Variants in GRIK2 observed in about 807,000 individuals in gnomAD.
The protein encoded by GRIK2 is glutamate ionotropic receptor kainate type subunit 2, also known as glutamate receptor ionotropic, kainate 2.
GRIK2 carries 32 observed loss-of-function variants against 100.3 expected under a neutral mutation model. The observed-to-expected ratio is 0.32, with a 90% CI of 0.24 to 0.43. The LOEUF (loss-of-function observed/expected upper bound fraction) is 0.43. Ranked by LOEUF, GRIK2 falls within the 20% of genes least tolerant of loss-of-function variation. GRIK2 has a pLI of 1.00. For synonymous variants in GRIK2, 417 were observed against 389.4 expected (o/e 1.07, Z -0.83); for missense variants, 843 against 1,114.9 (o/e 0.76, Z 3.47).
At chr6:102,041,295 C>T (rs1036546618) in intron 15 of GRIK2, among the ~76,000 whole-genome samples, 2 of 151,564 alleles carry the variant, frequency 1.3e-5, no homozygotes, top group African/African-American at 2.4e-5. Flanking sequence ...AGATTTTATA[C>T]ACAAAGATTG....
chr6:101,962,622 A>T lies in GRIK2; in HGVS notation c.2085+33990A>T, dbSNP rs1215877488. On this transcript the variant is annotated intron_variant, in intron 14 of 16. Coordinates refer to ENST00000369134, the MANE Select transcript of GRIK2 (RefSeq NM_021956.5). ...TTTGTCTTATCCATTATTGAAAGTG[A>T]GCTACTGAAGTCCTCAACTCTTTTT... is the stretch of plus-strand genomic sequence containing the variant. Among the ~76,000 whole-genome samples, 3 of 152,140 alleles carry T rather than the reference A, an allele frequency of 2.0e-5. No homozygotes were observed. The South Asian group carries it at 6.2e-4, about 31-fold the overall frequency.
In GRIK2 at chr6:102,069,049, A is replaced by AAAAT. The variant is rs1239054990; in HGVS notation, c.*539_*542dup. ...AAAGTATGTGTTTATAGGATGTGAA[A>AAAAT]AAATGTAATGCAAAACAAATTTGAA... On this transcript the variant is annotated 3_prime_UTR_variant, in exon 17 of 17. Transcript: ENST00000369134. 1 of 151,870 alleles carries AAAAT rather than the reference A, an allele frequency of 6.6e-6. No individual in the cohort carries two copies. The highest frequency in any genetic ancestry group is 2.4e-5 in the African/African-American group (1 of 41,410). 9.4% of individuals were successfully genotyped at this position (151,870 alleles called of 1,614,324 possible). A position where few individuals can be genotyped will look rare whatever the true frequency, so the allele number is the denominator to read the frequency against.
At chr6:102,034,863 G>A (rs538144229) in intron 14 of GRIK2, among the ~76,000 whole-genome samples, 2 of 151,274 alleles carry the variant, frequency 1.3e-5, no homozygotes, top group Non-Finnish European at 3.0e-5. Flanking sequence ...GGTTAATGTA[G>A]CATCTGTGTT....
chr6:101,719,986 G>T (rs1774362142), intron 7 of GRIK2, among the ~76,000 whole-genome samples: 1 of 151,782 alleles, frequency 6.6e-6, no homozygotes, highest in South Asian at 2.1e-4. Flanking sequence ...AAAACACCAA[G>T]TATTGCATTA....
intron 12 of GRIK2, among the ~76,000 whole-genome samples, chr6:101,907,124 A>G (rs1356828768): frequency 6.6e-6 from 1 of 151,708 alleles, no homozygotes; most frequent in African/African-American, 2.4e-5. Flanking sequence ...CAACTGTACA[A>G]CATGTTAAGG....
chr6:101,547,779 TA>T (rs1264446351), intron 2 of GRIK2, among the ~76,000 whole-genome samples: 1 of 151,822 alleles, frequency 6.6e-6, no homozygotes, highest in Non-Finnish European at 1.5e-5. Flanking sequence ...GCAATAAACA[TA>T]CATGTGCATG....
At chr6:101,833,724 T>C (rs1179370454) in intron 10 of GRIK2, among the ~76,000 whole-genome samples, 2 of 152,132 alleles carry the variant, frequency 1.3e-5, no homozygotes, top group African/African-American at 2.4e-5. Flanking sequence ...AAAATACTTA[T>C]ATTCCAGCAA....
chr6:101,947,920 G>C (rs1380833466), intron 14 of GRIK2, among the ~76,000 whole-genome samples: 3 of 152,084 alleles, frequency 2.0e-5, no homozygotes, highest in Non-Finnish European at 2.9e-5. Context: ...ATTATTTCAG[G>C]TAATACCTGA....
intron 14 of GRIK2, among the ~76,000 whole-genome samples, chr6:101,984,089 A>G (rs1193985787): frequency 2.0e-5 from 3 of 151,802 alleles, no homozygotes; most frequent in Non-Finnish European, 4.4e-5. Context: ...CAGCTACATG[A>G]AAGTAACTTG....
At chr6:101,495,509 A>G (rs1036138325) in intron 2 of GRIK2, among the ~76,000 whole-genome samples, 5 of 152,108 alleles carry the variant, frequency 3.3e-5, no homozygotes, top group Non-Finnish European at 7.4e-5. Flanking sequence ...CCGTCTCAAA[A>G]TAAGTAAATA....
intron 2 of GRIK2, among the ~76,000 whole-genome samples, chr6:101,595,295 A>G (rs1189773817): frequency 1.3e-5 from 2 of 151,730 alleles, no homozygotes; most frequent in Non-Finnish European, 2.9e-5. Context: ...GTGAAGGACC[A>G]GGTAGTTACA....
intron 2 of GRIK2, among the ~76,000 whole-genome samples, chr6:101,579,021 A>G (rs1179757296): frequency 6.6e-6 from 1 of 152,182 alleles, no homozygotes; most frequent in Non-Finnish European, 1.5e-5. Context: ...AACAGAAGTT[A>G]GCAAAATATT....
intron 7 of GRIK2, among the ~76,000 whole-genome samples, chr6:101,798,732 C>G (rs1340103395): frequency 3.3e-5 from 5 of 151,930 alleles, no homozygotes; most frequent in Admixed American, 6.6e-5. Context: ...TTACTAGGAG[C>G]ATTGTCAGTG....
intron 7 of GRIK2, among the ~76,000 whole-genome samples, chr6:101,733,373 AGAATAAAGGGGTGG>A (rs1775411150): frequency 6.6e-6 from 1 of 152,182 alleles, no homozygotes; most frequent in African/African-American, 2.4e-5. Flanking sequence ...AAAATAGAAA[AGAATAAAGGGGTGG>A]GAGTCCCAAA....
intron 2 of GRIK2, among the ~76,000 whole-genome samples, chr6:101,546,888 T>A (rs1352765989): frequency 6.3e-5 from 8 of 126,946 alleles, no homozygotes; most frequent in Non-Finnish European, 1.3e-4. Context: ...TGGAGTGCAG[T>A]GGCGGGATCT....
chr6:101,946,175 G>A (rs993810118), intron 14 of GRIK2, among the ~76,000 whole-genome samples: 1 of 151,834 alleles, frequency 6.6e-6, no homozygotes, highest in African/African-American at 2.4e-5. Flanking sequence ...GAAAAATTTA[G>A]AAAGTGAAGA....
At chr6:101,713,312 C>T (rs547090230) in intron 7 of GRIK2, among the ~76,000 whole-genome samples, 4 of 151,782 alleles carry the variant, frequency 2.6e-5, no homozygotes, top group South Asian at 2.1e-4. Context: ...CATGTGAATT[C>T]GGTTTCCTTA....
At chr6:101,878,486 G>A (rs1786025188) in intron 11 of GRIK2, among the ~76,000 whole-genome samples, 2 of 151,900 alleles carry the variant, frequency 1.3e-5, no homozygotes, top group Admixed American at 6.6e-5. Context: ...ATTCCCAGTA[G>A]TGTTTTGTTT....
intron 7 of GRIK2, among the ~76,000 whole-genome samples, chr6:101,698,441 ATAT>A (rs1290170517): frequency 2.6e-5 from 4 of 152,100 alleles, no homozygotes; most frequent in African/African-American, 9.7e-5. Flanking sequence ...TGCAGAGGAA[ATAT>A]TATGTTGATC....
Sources: allele counts gnomAD v4.1 joint callset (sites outside exome capture counted in the v4.1 genomes callset), GRCh38; gene constraint gnomAD v4.1.1; transcripts MANE v1.5; gene names NCBI Gene and HGNC (gene_info 2026-07-23, HGNC 2026-07-21).